The following REDIC1 variants were observed in gnomAD, a reference collection of about 807,000 sequenced individuals.
REDIC1 encodes regulator of DNA class I crossover intermediates 1, also known as HEI10 Interacting Protein 1.
chr12:39,667,276 T>C, the REDIC1 span, among the ~76,000 whole-genome samples: 1 of 152,248 alleles, frequency 6.6e-6, no homozygotes, highest in Non-Finnish European at 1.5e-5. Context: ...GTCTTTGTTC[T>C]CATTGGTTTC....
the REDIC1 span, among the ~76,000 whole-genome samples, chr12:39,777,115 GA>G: frequency 1.3e-5 from 2 of 152,086 alleles, no homozygotes; most frequent in Admixed American, 6.5e-5. Context: ...TGTCACTCAA[GA>G]AAAAACAAAC....
the REDIC1 span, among the ~76,000 whole-genome samples, chr12:39,811,495 ATATGT>A: frequency 6.6e-6 from 1 of 152,060 alleles, no homozygotes; most frequent in African/African-American, 2.4e-5. Flanking sequence ...GACGTTCTTG[ATATGT>A]TATAATTTCA....
At chr12:39,634,106 T>C in the REDIC1 span, among the ~76,000 whole-genome samples, 2 of 152,168 alleles carry the variant, frequency 1.3e-5, no homozygotes, top group Non-Finnish European at 2.9e-5. Context: ...TTTTATTTCG[T>C]TGAGCAGTGG....
chr12:39,709,800 C>T, the REDIC1 span, among the ~76,000 whole-genome samples: 1 of 151,784 alleles, frequency 6.6e-6, no homozygotes, highest in Non-Finnish European at 1.5e-5. Flanking sequence ...CTGCAATGAA[C>T]ATAAGTATGC....
the REDIC1 span, among the ~76,000 whole-genome samples, chr12:39,843,226 C>T: frequency 3.9e-5 from 6 of 151,946 alleles, no homozygotes; most frequent in African/African-American, 9.7e-5. Flanking sequence ...CACACTTTTT[C>T]GTACTTGATC....
At chr12:39,705,739 A>C in the REDIC1 span, among the ~76,000 whole-genome samples, 3 of 152,256 alleles carry the variant, frequency 2.0e-5, no homozygotes, top group East Asian at 5.8e-4. Context: ...GATGCTGAAA[A>C]AGCATTTGAT....
At chr12:39,666,460 C>T in the REDIC1 span, among the ~76,000 whole-genome samples, 1 of 152,148 alleles carries the variant, frequency 6.6e-6, no homozygotes, top group Non-Finnish European at 1.5e-5. Flanking sequence ...CTGCTGGATT[C>T]AGTTTGCCAG....
the REDIC1 span, among the ~76,000 whole-genome samples, chr12:39,731,911 T>G: frequency 6.6e-6 from 1 of 151,800 alleles, no homozygotes. Context: ...AAATGATAGC[T>G]TAGAGGATTG....
chr12:39,849,819 C>A, the REDIC1 span, among the ~76,000 whole-genome samples: 1 of 152,100 alleles, frequency 6.6e-6, no homozygotes, highest in South Asian at 2.1e-4. Flanking sequence ...AAAATCCTAC[C>A]TTACTTTTTG....
chr12:39,863,947 C>T, the REDIC1 span, among the ~76,000 whole-genome samples: 18 of 152,108 alleles, frequency 1.2e-4, no homozygotes, highest in Admixed American at 2.6e-4. Flanking sequence ...TTGAGACTTG[C>T]GTCCATCTAT....
the REDIC1 span, among the ~76,000 whole-genome samples, chr12:39,896,469 T>TATATGTATATGTGTGTATATATGTACAC: frequency 6.9e-6 from 1 of 144,666 alleles, no homozygotes; most frequent in Non-Finnish European, 1.5e-5. Context: ...TATGTATACA[T>TATATGTATATGTGTGTATATATGTACAC]ATATGTATAT....
chr12:39,756,168 T>A, the REDIC1 span: 1 of 151,946 alleles, frequency 6.6e-6, no homozygotes, highest in Non-Finnish European at 1.5e-5. Context: ...ATGTAAAAAT[T>A]AATCCACAGA....
At chr12:39,878,138 C>T in the REDIC1 span, among the ~76,000 whole-genome samples, 2 of 152,178 alleles carry the variant, frequency 1.3e-5, no homozygotes, top group Non-Finnish European at 2.9e-5. Flanking sequence ...TAGGAGTAAA[C>T]CAATTATACC....
the REDIC1 span, among the ~76,000 whole-genome samples, chr12:39,840,417 T>C: frequency 1.3e-5 from 2 of 152,060 alleles, no homozygotes; most frequent in Admixed American, 6.6e-5. Flanking sequence ...GAGCTTCCCA[T>C]TGCCTATAGG....
At chr12:39,712,544 A>G in the REDIC1 span, among the ~76,000 whole-genome samples, 1 of 142,316 alleles carries the variant, frequency 7.0e-6, no homozygotes, top group Non-Finnish European at 1.5e-5. Context: ...ATATGCGTAT[A>G]TACACGACAT....
At chr12:39,701,208 C>T in the REDIC1 span, among the ~76,000 whole-genome samples, 1 of 152,184 alleles carries the variant, frequency 6.6e-6, no homozygotes, top group East Asian at 1.9e-4. Context: ...CGTGCGGAGA[C>T]ACACATAGGC....
At chr12:39,746,806 A>G in the REDIC1 span, among the ~76,000 whole-genome samples, 1 of 152,248 alleles carries the variant, frequency 6.6e-6, no homozygotes, top group Non-Finnish European at 1.5e-5. Flanking sequence ...GCTGATACCT[A>G]GGCAAACAGC....
the REDIC1 span, among the ~76,000 whole-genome samples, chr12:39,822,227 T>G: frequency 1.3e-5 from 2 of 152,080 alleles, no homozygotes; most frequent in African/African-American, 4.8e-5. Flanking sequence ...AGATAACGTT[T>G]CCTGCCCAAG....
chr12:39,718,923 A>T, the REDIC1 span, among the ~76,000 whole-genome samples: 1 of 152,266 alleles, frequency 6.6e-6, no homozygotes, highest in Non-Finnish European at 1.5e-5. Flanking sequence ...AAGTTGTCAT[A>T]TAATGGCTTC....
Sources: allele counts gnomAD v4.1 joint callset (sites outside exome capture counted in the v4.1 genomes callset), GRCh38; gene constraint gnomAD v4.1.1; transcripts MANE v1.5; gene names NCBI Gene and HGNC (gene_info 2026-07-23, HGNC 2026-07-21).